XRCC5: variants seen among roughly 807,000 people sequenced by gnomAD.
XRCC5 encodes the protein DNA repair protein Ku80.
XRCC5 carries 12 observed loss-of-function variants against 95.7 expected under a neutral mutation model. That is an observed-to-expected ratio of 0.13 (90% CI 0.08 to 0.20). The LOEUF (loss-of-function observed/expected upper bound fraction) is 0.20. Among genes scored for constraint, XRCC5 ranks in the 10% least tolerant of loss-of-function variants. The pLI is 1.00. For missense variants in XRCC5, 595 were observed against 873.9 expected, an observed-to-expected ratio of 0.68 and a Z score of 4.02; for synonymous variants, 281 against 290.3, an observed-to-expected ratio of 0.97 and a Z score of 0.33.
At chr2:216,154,847 C>G (rs1477780810) in intron 14 of XRCC5, among the ~76,000 whole-genome samples, 1 of 152,122 alleles carries the variant, frequency 6.6e-6, no homozygotes, top group Non-Finnish European at 1.5e-5. Context: ...TAAGGTCAAA[C>G]TCTTTTACAC....
intron 5 of XRCC5, 59 bp downstream of exon 5, chr2:216,119,224 G>T: frequency 6.3e-7 from 1 of 1,593,832 alleles, no homozygotes; most frequent in Non-Finnish European, 8.6e-7. Flanking sequence ...TATAGTGAAT[G>T]GGCCCTCTGT....
At chr2:216,111,644 C>A (rs1696592929) in intron 1 of XRCC5, among the ~76,000 whole-genome samples, 1 of 152,132 alleles carries the variant, frequency 6.6e-6, no homozygotes, top group Admixed American at 6.5e-5. Context: ...CAGATTCTTC[C>A]CTAAGCTGCT....
At position 216,156,444 on chromosome 2, in the gene XRCC5, CTA is replaced by C. The variant is rs35606956; in HGVS notation, c.1671-3622_1671-3621del. The C allele has an allele frequency of 0.012, 8,528 of 735,594 alleles. 502 individuals carry two copies. In the African/African-American group the frequency reaches 0.13, roughly 11 times the overall value. The allele number at this position is 735,594 out of a possible 1,614,324, so 45.6% of individuals were successfully genotyped here. Reference sequence around the variant, plus strand: ...GCTGACCTTGTAGCTTTTGTAGTCTCTATCGTACAGCACTGGTCAGATCTACA... The same window carrying C: ...GCTGACCTTGTAGCTTTTGTAGTCTCTCGTACAGCACTGGTCAGATCTACA... On this transcript the variant is annotated intron_variant, in intron 14 of 20. Transcript: ENST00000392132.
chr2:216,199,335 C>T (rs1689791727), intron 19 of XRCC5, among the ~76,000 whole-genome samples: 1 of 152,134 alleles, frequency 6.6e-6, no homozygotes, highest in African/African-American at 2.4e-5. Context: ...AGCTATTACC[C>T]TCCAGTTTTT....
rs41302450 is a variant in XRCC5, at chr2:216,174,451, G to T, written c.1834+12403G>T. On this transcript the variant is annotated intron_variant, in intron 16 of 20. Transcript: ENST00000392132. The stretch of plus-strand genomic sequence containing the variant: ...ATCTTCTTTATTTGTTAACTCAAAA[G>T]AAAATACCTTCAAAACTGCATTTTA... 6.6e-5 allele frequency among the ~76,000 whole-genome samples: 10 copies of T among 152,134 alleles called. No homozygotes were observed. The East Asian group carries it at 1.7e-3, about 26-fold the overall frequency.
chr2:216,126,899 T>C (rs906525646), intron 7 of XRCC5, among the ~76,000 whole-genome samples: 2 of 152,034 alleles, frequency 1.3e-5, no homozygotes, highest in African/African-American at 4.8e-5. Flanking sequence ...GACACAGATA[T>C]ATTGCTTCTT....
intron 16 of XRCC5, among the ~76,000 whole-genome samples, chr2:216,170,037 CAAAAAAAAAAAAAAAA>C (rs71047982): frequency 0.054 from 2,920 of 53,750 alleles, 174 homozygotes; most frequent in African/African-American, 0.15. Flanking sequence ...GACTGTGTCT[CAAAAAAAAAAAAAAAA>C]AAAAAAAAAA....
intron 20 of XRCC5, 135 bp downstream of exon 20, chr2:216,204,531 A>G (rs1470195385): frequency 1.1e-5 from 9 of 828,656 alleles, no homozygotes; most frequent in Non-Finnish European, 1.9e-6. Flanking sequence ...AGCTTCCTAC[A>G]CCATTATATA....
At position 216,187,466 on chromosome 2, in the gene XRCC5, CTGTGTGTGTGTGTGTGTGTG is replaced by C. The variant is rs140171958; in HGVS notation, c.1835-2723_1835-2704del. On this transcript the variant is annotated intron_variant, in intron 16 of 20. Transcript: ENST00000392132. The stretch of plus-strand genomic sequence containing the variant: ...AATATTTTTCTCTGTAAGATAGCAA[CTGTGTGTGTGTGTGTGTGTG>C]TGTGTGTGTGTGTGTGTGTGTGTGT... Among the ~76,000 whole-genome samples the C allele has an allele frequency of 1.5e-3, 172 of 111,376 alleles. 1 individual carries two copies. The highest frequency in any genetic ancestry group is 4.1e-3 in the African/African-American group (128 of 31,306). 73.1% of individuals were successfully genotyped at this position (111,376 alleles called of 152,430 possible). A position where few individuals can be genotyped will look rare whatever the true frequency, so the allele number is the denominator to read the frequency against.
intron 14 of XRCC5, among the ~76,000 whole-genome samples, chr2:216,154,552 C>A (rs1389224335): frequency 6.6e-6 from 1 of 152,192 alleles, no homozygotes; most frequent in Non-Finnish European, 1.5e-5. Flanking sequence ...TTACCCCTTT[C>A]CAATTCATGC....
Position 216,205,399 on chromosome 2 carries a change from T to C in XRCC5, c.*197T>C, listed in dbSNP as rs1689925651. The C allele has an allele frequency of 3.4e-6, 2 of 596,960 alleles. No homozygotes were observed. The highest frequency in any genetic ancestry group is 5.9e-6 in the Non-Finnish European group (2 of 336,554). 37.0% of individuals were successfully genotyped at this position (596,960 alleles called of 1,614,324 possible). A position where few individuals can be genotyped will look rare whatever the true frequency, so the allele number is the denominator to read the frequency against. On this transcript the variant is annotated 3_prime_UTR_variant, in exon 21 of 21. Coordinates refer to ENST00000392132, the MANE Select transcript of XRCC5 (RefSeq NM_021141.4). ...ATTACAAGGGATAATTTAGACCCCATACAAGTTTATAAAGAGTCATTGTTA... is the reference window on the plus strand; with the variant it reads ...ATTACAAGGGATAATTTAGACCCCACACAAGTTTATAAAGAGTCATTGTTA...
intron 19 of XRCC5, among the ~76,000 whole-genome samples, chr2:216,203,030 T>C (rs1002134810): frequency 1.3e-5 from 2 of 152,220 alleles, no homozygotes; most frequent in Non-Finnish European, 2.9e-5. Context: ...GAGGTCATGA[T>C]TGTGTCCATT....
rs569550666 is a variant in XRCC5 at position 216,151,786 on chromosome 2, A to G, written c.1670+3510A>G. 3.9e-4 allele frequency among the ~76,000 whole-genome samples: 60 copies of G among 152,286 alleles called. 2 individuals are homozygous for G. The South Asian group carries it at 0.012, about 32-fold the overall frequency. Reference sequence around the variant, plus strand: ...TATGCCTGGCATGTTAGTAGTGACAATGACAGTAGAGGCCAATAGGTGGTG... The same window carrying G: ...TATGCCTGGCATGTTAGTAGTGACAGTGACAGTAGAGGCCAATAGGTGGTG... On this transcript the variant is annotated intron_variant, in intron 14 of 20. Transcript: ENST00000392132.
chr2:216,128,690 C>T (rs1272844630), intron 8 of XRCC5, among the ~76,000 whole-genome samples: 1 of 152,182 alleles, frequency 6.6e-6, no homozygotes, highest in East Asian at 1.9e-4. Context: ...GGGGACTTCT[C>T]AGAGATACTA....
intron 14 of XRCC5, among the ~76,000 whole-genome samples, chr2:216,150,224 T>TG (rs1688717285): frequency 6.6e-6 from 1 of 152,176 alleles, no homozygotes; most frequent in Admixed American, 6.5e-5. Flanking sequence ...AGTGGACAAA[T>TG]GTCTGTTCAG....
intron 10 of XRCC5, among the ~76,000 whole-genome samples, chr2:216,136,356 C>CA (rs767749732): frequency 0.27 from 9,048 of 34,062 alleles, 355 homozygotes; most frequent in Non-Finnish European, 0.3. Context: ...AACTGTGTCT[C>CA]AAAAAAAAAA....
Position 216,204,462 on chromosome 2 carries a change from C to T in XRCC5, c.2184+66C>T. 4 of 1,543,680 alleles carry T rather than the reference C, an allele frequency of 2.6e-6. No homozygotes were observed. The Admixed American group carries it at 5.0e-5, about 19-fold the overall frequency. ...GTCACCTGAGCTGTAAATACAGCCA[C>T]AAAGGCTGATTATCTTACACTTGTT... On this transcript the variant is annotated intron_variant, in intron 20 of 20. Coordinates refer to ENST00000392132, the MANE Select transcript of XRCC5 (RefSeq NM_021141.4).
At chr2:216,137,340 C>A in intron 11 of XRCC5, 115 bp downstream of exon 11, 1 of 1,262,882 alleles carries the variant, frequency 7.9e-7, no homozygotes, top group Non-Finnish European at 1.1e-6. Context: ...AAATGCAGAT[C>A]CTCATTGTGT....
rs1234966945 is a variant in XRCC5, at chr2:216,200,301, A to G, written c.2110-4021A>G. 2.0e-4 allele frequency among the ~76,000 whole-genome samples: 30 copies of G among 152,178 alleles called. 1 individual carries two copies. Among genetic ancestry groups the G allele is most frequent in the Admixed American group, 2.0e-3 (30 of 15,280 alleles). ...CACAGGAATTCTCCAAAGCTTAGTG[A>G]AGGATTGAAGACAAAGGTTAAGAAT... On this transcript the variant is annotated intron_variant, in intron 19 of 20. Coordinates refer to ENST00000392132, the MANE Select transcript of XRCC5 (RefSeq NM_021141.4).
Sources: allele counts gnomAD v4.1 joint callset (sites outside exome capture counted in the v4.1 genomes callset), GRCh38; gene constraint gnomAD v4.1.1; transcripts MANE v1.5; gene names NCBI Gene and HGNC (gene_info 2026-07-23, HGNC 2026-07-21).